PAG1: variants seen among roughly 807,000 people sequenced by gnomAD.
PAG1 encodes the protein phosphoprotein membrane anchor with glycosphingolipid microdomains 1.
PAG1 carries 23 observed loss-of-function variants against 31.7 expected under a neutral mutation model. That is an observed-to-expected ratio of 0.73 (90% CI 0.52 to 1.03). PAG1 has a LOEUF of 1.03. Among genes scored for constraint, PAG1 ranks in the 50% least tolerant of loss-of-function variants. PAG1 has a pLI of 0.00. For missense variants in PAG1, 473 were observed against 540.7 expected, an observed-to-expected ratio of 0.87 and a Z score of 1.24; for synonymous variants, 214 against 210.3, an observed-to-expected ratio of 1.02 and a Z score of -0.15.
intron 1 of PAG1, among the ~76,000 whole-genome samples, chr8:81,096,717 G>GA (rs1809533996): frequency 6.6e-6 from 1 of 152,140 alleles, no homozygotes; most frequent in Non-Finnish European, 1.5e-5. Flanking sequence ...TTACAAAAAG[G>GA]AAAAATGGAA....
intron 2 of PAG1, among the ~76,000 whole-genome samples, chr8:81,034,798 G>A (rs1808436407): frequency 6.6e-6 from 1 of 152,172 alleles, no homozygotes; most frequent in Admixed American, 6.5e-5. Flanking sequence ...CCCTGCTCTT[G>A]AGCTTTCCTT....
At chr8:81,076,970 A>G (rs1200279120) in intron 1 of PAG1, among the ~76,000 whole-genome samples, 3 of 152,232 alleles carry the variant, frequency 2.0e-5, no homozygotes, top group Non-Finnish European at 4.4e-5. Context: ...GAGAATGGTT[A>G]ATACCATGGT....
intron 1 of PAG1, among the ~76,000 whole-genome samples, chr8:81,092,409 T>C (rs563130095): frequency 6.6e-6 from 1 of 152,192 alleles, no homozygotes; most frequent in African/African-American, 2.4e-5. Flanking sequence ...TTTGTGAATA[T>C]TAAAATGACA....
intron 2 of PAG1, among the ~76,000 whole-genome samples, chr8:81,045,685 T>A (rs1435903834): frequency 6.6e-6 from 1 of 152,238 alleles, no homozygotes; most frequent in Non-Finnish European, 1.5e-5. Context: ...TTGTACAGTA[T>A]GTGAAAGATA....
chr8:81,043,054 T>C (rs943664772), intron 2 of PAG1, among the ~76,000 whole-genome samples: 8 of 152,186 alleles, frequency 5.3e-5, no homozygotes, highest in East Asian at 1.9e-4. Flanking sequence ...TTTTTTATTT[T>C]TTAATAGTTC....
rs1330556637 is a variant in PAG1 at position 80,976,251 on chromosome 8, A to C, written c.*293T>G. 2 of 331,014 alleles carry C rather than the reference A, an allele frequency of 6.0e-6. No homozygotes were observed. Among genetic ancestry groups the C allele is most frequent in the African/African-American group, 4.3e-5 (2 of 46,568 alleles). The allele number at this position is 331,014 out of a possible 1,614,324, so 20.5% of individuals were successfully genotyped here. On this transcript the variant is annotated 3_prime_UTR_variant, in exon 9 of 9. Transcript: ENST00000220597. ...TACAGCTTGGCTTTCCTCACTAATG[A>C]GATGAGACCACTGACAGCTGGGATC...
intron 1 of PAG1, among the ~76,000 whole-genome samples, chr8:81,072,723 A>G (rs572927403): frequency 3.9e-5 from 6 of 152,334 alleles, no homozygotes; most frequent in South Asian, 2.1e-4. Context: ...ACATACTCAC[A>G]TACTCTCATA....
intron 3 of PAG1, among the ~76,000 whole-genome samples, chr8:81,015,656 A>G (rs1271782505): frequency 1.3e-5 from 2 of 152,346 alleles, no homozygotes; most frequent in African/African-American, 2.4e-5. Context: ...TTGAACATCT[A>G]TGATTAGCCT....
In PAG1 at chr8:81,105,314, ATAT is replaced by A. The variant is rs148009349; in HGVS notation, c.-234+6274_-234+6276del. ...ATCATCTAACAATGTGCCTGGTATC[ATAT>A]TAATATATATCTGGTGAATGTATAA... On this transcript the variant is annotated intron_variant, in intron 1 of 8. Transcript: ENST00000220597. Among the ~76,000 whole-genome samples, 758 of 152,298 alleles carry A rather than the reference ATAT, an allele frequency of 5.0e-3. 12 individuals carry two copies. The highest frequency in any genetic ancestry group is 0.017 in the African/African-American group (706 of 41,554).
chr8:81,055,152 C>T (rs1808797271), intron 2 of PAG1, among the ~76,000 whole-genome samples: 1 of 149,952 alleles, frequency 6.7e-6, no homozygotes, highest in African/African-American at 2.5e-5. Flanking sequence ...CAGCCTACAA[C>T]TCTTGGGCTC....
chr8:81,099,811 T>C lies in PAG1; in HGVS notation c.-234+11780A>G, dbSNP rs149263903. ...TTGTGGTGACAGTTCCCTAGCTCTGTACGTTTACTAAAAATCAGTGAATTG... is the reference window on the plus strand; with the variant it reads ...TTGTGGTGACAGTTCCCTAGCTCTGCACGTTTACTAAAAATCAGTGAATTG... On this transcript the variant is annotated intron_variant, in intron 1 of 8. Coordinates refer to ENST00000220597, the MANE Select transcript of PAG1 (RefSeq NM_018440.4). Among the ~76,000 whole-genome samples the C allele has an allele frequency of 1.9e-3, 288 of 152,320 alleles. 3 individuals carry two copies. The Middle Eastern group carries it at 0.027, about 14-fold the overall frequency.
At position 81,030,278 on chromosome 8, in the gene PAG1, A is replaced by T. The variant is rs186886678; in HGVS notation, c.-174-189T>A. Among the ~76,000 whole-genome samples, 984 of 152,296 alleles carry T rather than the reference A, an allele frequency of 6.5e-3. 5 individuals carry two copies. Among genetic ancestry groups the T allele is most frequent in the African/African-American group, 0.023 (937 of 41,534 alleles). On this transcript the variant is annotated intron_variant, in intron 2 of 8. Coordinates refer to ENST00000220597, the MANE Select transcript of PAG1 (RefSeq NM_018440.4). Reference sequence around the variant, plus strand: ...CAACTATAGACAGTAATAATTAAATAAAAAAATTTCAATAAAGAAAACTTC... The same window carrying T: ...CAACTATAGACAGTAATAATTAAATTAAAAAATTTCAATAAAGAAAACTTC...
At chr8:81,056,608 A>G (rs557439578) in intron 2 of PAG1, among the ~76,000 whole-genome samples, 3 of 152,384 alleles carry the variant, frequency 2.0e-5, no homozygotes, top group Non-Finnish European at 2.9e-5. Context: ...ACCTAAAACC[A>G]TAAAAACCCT....
intron 2 of PAG1, among the ~76,000 whole-genome samples, chr8:81,051,213 C>A (rs982193578): frequency 1.3e-5 from 2 of 152,266 alleles, no homozygotes; most frequent in African/African-American, 4.8e-5. Context: ...ATGAGCACTA[C>A]TGGATTAGTG....
At chr8:81,052,689 C>T (rs537677299) in intron 2 of PAG1, among the ~76,000 whole-genome samples, 12 of 152,142 alleles carry the variant, frequency 7.9e-5, no homozygotes, top group Admixed American at 2.0e-4. Flanking sequence ...TTGTGAGCAC[C>T]GGGAACTATT....
chr8:81,022,787 G>C (rs1808212696), intron 3 of PAG1, among the ~76,000 whole-genome samples: 1 of 152,012 alleles, frequency 6.6e-6, no homozygotes, highest in African/African-American at 2.4e-5. Flanking sequence ...CTGAGAGCTG[G>C]GACAGGAAAT....
rs765744755 is a variant in PAG1 at position 81,067,946 on chromosome 8, C to CT, written c.-175+2165dup. Among the ~76,000 whole-genome samples, 6 of 152,234 alleles carry CT rather than the reference C, an allele frequency of 3.9e-5. No homozygotes were observed. The East Asian group carries it at 1.2e-3, about 29-fold the overall frequency. The stretch of plus-strand genomic sequence containing the variant: ...CTGTGTTCTCTTTGCTTGTGTTTCT[C>CT]TTTTTTGGGGGGCAATCCTAGCTCA... On this transcript the variant is annotated intron_variant, in intron 2 of 8. Coordinates refer to ENST00000220597, the MANE Select transcript of PAG1 (RefSeq NM_018440.4).
intron 5 of PAG1, among the ~76,000 whole-genome samples, chr8:80,988,611 C>A: frequency 6.6e-6 from 1 of 152,070 alleles, no homozygotes; most frequent in East Asian, 1.9e-4. Context: ...CAGGTATGCA[C>A]CACTATGTCT....
intron 2 of PAG1, among the ~76,000 whole-genome samples, chr8:81,032,423 G>A (rs1313045899): frequency 6.6e-6 from 1 of 152,064 alleles, no homozygotes; most frequent in African/African-American, 2.4e-5. Context: ...CTCCAAAAAA[G>A]ATACACAAAT....
Sources: gnomAD v4.1 joint callset for allele counts (sites outside exome capture counted in the v4.1 genomes callset) on GRCh38, gnomAD v4.1.1 for gene constraint, MANE v1.5 for transcripts, NCBI Gene and HGNC (gene_info 2026-07-23, HGNC 2026-07-21) for gene names.